Variants in MGAT5 observed in about 807,000 individuals in gnomAD.
MGAT5 encodes alpha-1,6-mannosylglycoprotein 6-beta-N-acetylglucosaminyltransferase, also known as alpha-1,6-mannosylglycoprotein 6-beta-N-acetylglucosaminyltransferase A.
A neutral mutation model predicts 94.3 loss-of-function variants in MGAT5; 30 were observed. That is an observed-to-expected ratio of 0.32 (90% CI 0.24 to 0.43). The LOEUF is 0.43. Ranked by LOEUF, MGAT5 falls within the 20% of genes least tolerant of loss-of-function variation. The pLI is 1.00. For synonymous variants in MGAT5, 310 were observed against 322.9 expected (o/e 0.96, Z 0.43); for missense variants, 691 against 905.5 (o/e 0.76, Z 3.04).
chr2:134,444,007 C>T (rs1413578259), intron 15 of MGAT5, among the ~76,000 whole-genome samples: 1 of 152,160 alleles, frequency 6.6e-6, no homozygotes, highest in Non-Finnish European at 1.5e-5. Context: ...GCATGGGGCC[C>T]TACAAAGGCA....
intron 2 of MGAT5, among the ~76,000 whole-genome samples, chr2:134,286,856 CAG>C (rs1337588908): frequency 1.3e-5 from 2 of 152,112 alleles, no homozygotes; most frequent in African/African-American, 4.8e-5. Context: ...CTCTGCTTTT[CAG>C]AGTCATTTTT....
At chr2:134,156,093 G>A (rs1573759530) in intron 1 of MGAT5, among the ~76,000 whole-genome samples, 1 of 152,104 alleles carries the variant, frequency 6.6e-6, no homozygotes, top group Non-Finnish European at 1.5e-5. Context: ...AGCACACAAC[G>A]CAGGCCTGGC....
chr2:134,340,671 T>C (rs1238456334), intron 6 of MGAT5, among the ~76,000 whole-genome samples: 1 of 152,142 alleles, frequency 6.6e-6, no homozygotes, highest in Non-Finnish European at 1.5e-5. Flanking sequence ...AAATGGTTGA[T>C]GAGGGGTAGT....
At chr2:134,405,467 A>G (rs1024962729) in intron 11 of MGAT5, among the ~76,000 whole-genome samples, 1 of 152,240 alleles carries the variant, frequency 6.6e-6, no homozygotes, top group African/African-American at 2.4e-5. Context: ...ACAGGCTCCA[A>G]AATGAATGAA....
At chr2:134,123,363 G>A (rs2104870892) in intron 1 of MGAT5, among the ~76,000 whole-genome samples, 1 of 152,328 alleles carries the variant, frequency 6.6e-6, no homozygotes, top group Non-Finnish European at 1.5e-5. Flanking sequence ...TTTGGCAGGG[G>A]ATGGGCAGTG....
intron 9 of MGAT5, among the ~76,000 whole-genome samples, chr2:134,361,604 A>G (rs1437747236): frequency 6.6e-6 from 1 of 152,242 alleles, no homozygotes; most frequent in African/African-American, 2.4e-5. Flanking sequence ...TTTCTCTTCC[A>G]GAATAGCCTA....
chr2:134,236,235 TC>T (rs1329267849), intron 1 of MGAT5, among the ~76,000 whole-genome samples: 1 of 152,176 alleles, frequency 6.6e-6, no homozygotes, highest in African/African-American at 2.4e-5. Flanking sequence ...AGGCAGTGGT[TC>T]CAGGAACTTC....
chr2:134,290,542 A>G (rs72976197), intron 2 of MGAT5, among the ~76,000 whole-genome samples: 2,673 of 152,272 alleles, frequency 0.018, 89 homozygotes, highest in African/African-American at 0.061. Context: ...ATCTTTGGTC[A>G]TAGAAATTGT....
At chr2:134,421,994 C>T (rs553998026) in intron 12 of MGAT5, among the ~76,000 whole-genome samples, 110 of 148,018 alleles carry the variant, frequency 7.4e-4, no homozygotes, top group Non-Finnish European at 1.2e-3. Flanking sequence ...ATACAGAGAC[C>T]GTGTGTATAC....
intron 10 of MGAT5, among the ~76,000 whole-genome samples, chr2:134,378,567 C>T (rs1005503270): frequency 2.0e-5 from 3 of 151,302 alleles, no homozygotes; most frequent in African/African-American, 7.3e-5. Flanking sequence ...TGTTCTCGAT[C>T]GTTAAATCAG....
chr2:134,405,716 A>G lies in MGAT5; in HGVS notation c.1530+2579A>G, dbSNP rs575651519. Among the ~76,000 whole-genome samples, 32 of 152,350 alleles carry G rather than the reference A, an allele frequency of 2.1e-4. No individual in the cohort carries two copies. The South Asian group carries it at 6.6e-3, about 32-fold the overall frequency. ...CAGGGCTGACCTCCTCAAGAGAGTTAGAGACATAGAGAGATGATTGATGCT... is the reference window on the plus strand; with the variant it reads ...CAGGGCTGACCTCCTCAAGAGAGTTGGAGACATAGAGAGATGATTGATGCT... On this transcript the variant is annotated intron_variant, in intron 11 of 15. Transcript: ENST00000281923.
intron 10 of MGAT5, among the ~76,000 whole-genome samples, chr2:134,387,963 C>G (rs895636474): frequency 6.6e-6 from 1 of 152,144 alleles, no homozygotes; most frequent in African/African-American, 2.4e-5. Flanking sequence ...TCTTTGATGA[C>G]AGCTCTTCCA....
At chr2:134,406,375 A>G (rs1275472652) in intron 11 of MGAT5, among the ~76,000 whole-genome samples, 2 of 152,066 alleles carry the variant, frequency 1.3e-5, no homozygotes, top group African/African-American at 4.8e-5. Context: ...ACCTCCATTC[A>G]TTCACCTCTC....
At chr2:134,442,236 A>C (rs997280628) in intron 15 of MGAT5, among the ~76,000 whole-genome samples, 7 of 152,160 alleles carry the variant, frequency 4.6e-5, no homozygotes, top group Non-Finnish European at 1.0e-4. Context: ...CCCCAAGAAC[A>C]GTGGGAGTAG....
At chr2:134,415,748 T>C (rs1683925805) in intron 12 of MGAT5, among the ~76,000 whole-genome samples, 1 of 152,218 alleles carries the variant, frequency 6.6e-6, no homozygotes, top group African/African-American at 2.4e-5. Context: ...TTGTGCTGTT[T>C]CAGGTCTTAT....
chr2:134,224,236 C>A (rs1277350601), intron 1 of MGAT5, among the ~76,000 whole-genome samples: 1 of 152,100 alleles, frequency 6.6e-6, no homozygotes, highest in Non-Finnish European at 1.5e-5. Flanking sequence ...TATTAGCAGG[C>A]GTTTCATGAT....
intron 1 of MGAT5, among the ~76,000 whole-genome samples, chr2:134,130,410 A>C (rs918266875): frequency 2.6e-5 from 4 of 152,194 alleles, no homozygotes; most frequent in African/African-American, 9.6e-5. Flanking sequence ...GGGGCGTGGG[A>C]TTGGTGGGCA....
chr2:134,306,137 A>C (rs1010083573), intron 2 of MGAT5, among the ~76,000 whole-genome samples: 1 of 152,204 alleles, frequency 6.6e-6, no homozygotes, highest in Non-Finnish European at 1.5e-5. Context: ...AACTAAGTAC[A>C]TATATGATAC....
At chr2:134,254,681 G>A in intron 1 of MGAT5, 37 bp downstream of exon 1, 1 of 1,609,216 alleles carries the variant, frequency 6.2e-7, no homozygotes, top group South Asian at 1.1e-5. Flanking sequence ...ATTAAAGTGT[G>A]CCTTGGCCTT....
Sources: allele counts gnomAD v4.1 joint callset (sites outside exome capture counted in the v4.1 genomes callset), GRCh38; gene constraint gnomAD v4.1.1; transcripts MANE v1.5; gene names NCBI Gene and HGNC (gene_info 2026-07-23, HGNC 2026-07-21).